The following PDE4B variants were observed in gnomAD, a reference collection of about 807,000 sequenced individuals.
PDE4B encodes the protein 3',5'-cyclic-AMP phosphodiesterase 4B.
In PDE4B, 20 loss-of-function variants were observed where a neutral mutation model predicts 82.2. The observed-to-expected ratio is 0.24, with a 90% CI of 0.17 to 0.35. The LOEUF is 0.35. Ranked by LOEUF, PDE4B falls within the 10% of genes least tolerant of loss-of-function variation. PDE4B has a pLI of 1.00. For synonymous variants in PDE4B, 320 were observed against 318.9 expected, an observed-to-expected ratio of 1.00 and a Z score of -0.04; for missense variants, 655 against 907.2, an observed-to-expected ratio of 0.72 and a Z score of 3.57.
chr1:66,048,841 G>C (rs1654860464), intron 3 of PDE4B: 2 of 152,002 alleles, frequency 1.3e-5, no homozygotes, highest in Admixed American at 1.3e-4. Context: ...GGACACACAA[G>C]AAGTCCACTC....
rs546791219 is a variant in PDE4B, at chr1:66,114,704, C to T, written c.282-132756C>T. Among the ~76,000 whole-genome samples the T allele has an allele frequency of 2.3e-4, 34 of 148,722 alleles. No homozygotes were observed. In the East Asian group the frequency reaches 6.6e-3, roughly 29 times the overall value. ...AGGCTGGAGTGCAATGGCACAATCT[C>T]GGCTCACTGCAACCTCTGCTTCCTG... On this transcript the variant is annotated intron_variant, in intron 3 of 16. Transcript: ENST00000341517.
At chr1:66,310,360 C>A (rs1167544204) in intron 7 of PDE4B, among the ~76,000 whole-genome samples, 1 of 152,132 alleles carries the variant, frequency 6.6e-6, no homozygotes, top group East Asian at 1.9e-4. Flanking sequence ...TTCTTCTCTT[C>A]CCCGCTGCCC....
At chr1:66,268,345 G>A (rs1465659934) in intron 7 of PDE4B, among the ~76,000 whole-genome samples, 1 of 152,100 alleles carries the variant, frequency 6.6e-6, no homozygotes, top group African/African-American at 2.4e-5. Context: ...AATATTAAAT[G>A]GATACATCAA....
chr1:66,280,588 G>A (rs1656222567), intron 7 of PDE4B, among the ~76,000 whole-genome samples: 1 of 152,124 alleles, frequency 6.6e-6, no homozygotes, highest in South Asian at 2.1e-4. Flanking sequence ...ATTTGAATGT[G>A]AATCCAATTT....
intron 3 of PDE4B, among the ~76,000 whole-genome samples, chr1:66,012,760 C>G (rs1183472262): frequency 6.6e-6 from 1 of 152,094 alleles, no homozygotes; most frequent in Non-Finnish European, 1.5e-5. Flanking sequence ...ATAATAGGTT[C>G]TAGGGCACAA....
intron 3 of PDE4B, among the ~76,000 whole-genome samples, chr1:66,106,063 A>G (rs1473299419): frequency 1.3e-5 from 2 of 151,946 alleles, no homozygotes; most frequent in East Asian, 3.9e-4. Context: ...TCAGTATGAT[A>G]TTGGCTGTGG....
At chr1:66,188,370 A>G (rs12756224) in intron 3 of PDE4B, among the ~76,000 whole-genome samples, 24,162 of 151,060 alleles carry the variant, frequency 0.16, 2,153 homozygotes, top group Non-Finnish European at 0.2. Flanking sequence ...GCAGAGCTGA[A>G]TTCAATTCCT....
At chr1:66,313,553 T>A (rs1300859078) in intron 7 of PDE4B, among the ~76,000 whole-genome samples, 6 of 152,218 alleles carry the variant, frequency 3.9e-5, no homozygotes, top group African/African-American at 1.4e-4. Flanking sequence ...GATTCAATAA[T>A]CCTTTCCATC....
chr1:65,927,494 AT>A (rs1647571623), intron 3 of PDE4B, among the ~76,000 whole-genome samples: 1 of 147,622 alleles, frequency 6.8e-6, no homozygotes, highest in African/African-American at 2.5e-5. Flanking sequence ...TATAATATGT[AT>A]TATATATATA....
chr1:65,921,204 G>T (rs1569686952), intron 3 of PDE4B, among the ~76,000 whole-genome samples: 2 of 151,668 alleles, frequency 1.3e-5, no homozygotes, highest in Non-Finnish European at 2.9e-5. Context: ...TCCTGACCTC[G>T]TGATCCGCCC....
chr1:66,110,762 A>G (rs1645469487), intron 3 of PDE4B, among the ~76,000 whole-genome samples: 1 of 152,114 alleles, frequency 6.6e-6, no homozygotes, highest in African/African-American at 2.4e-5. Context: ...AACTCCTAGT[A>G]TGTAGTAAGC....
intron 7 of PDE4B, among the ~76,000 whole-genome samples, chr1:66,328,339 T>C (rs1659877106): frequency 6.6e-6 from 1 of 152,164 alleles, no homozygotes. Flanking sequence ...TGCATGACCA[T>C]ACATGGTCCC....
intron 3 of PDE4B, among the ~76,000 whole-genome samples, chr1:66,225,602 G>T (rs1651388875): frequency 6.6e-6 from 1 of 152,172 alleles, no homozygotes; most frequent in South Asian, 2.1e-4. Flanking sequence ...CTTATGCACA[G>T]TTCCAGCCAG....
chr1:66,134,936 C>T (rs1339094267), intron 3 of PDE4B, among the ~76,000 whole-genome samples: 10 of 152,190 alleles, frequency 6.6e-5, no homozygotes, highest in East Asian at 1.9e-4. Flanking sequence ...AGGGATAGAA[C>T]TATGTCATAT....
chr1:65,936,581 G>C (rs1412057937), intron 3 of PDE4B, among the ~76,000 whole-genome samples: 2 of 152,172 alleles, frequency 1.3e-5, no homozygotes, highest in Non-Finnish European at 2.9e-5. Flanking sequence ...GAGTGCGTCA[G>C]AATCACCTGA....
chr1:65,993,114 C>T (rs763039762), intron 3 of PDE4B: 7 of 1,613,554 alleles, frequency 4.3e-6, no homozygotes, highest in Non-Finnish European at 5.9e-6. Flanking sequence ...CATTCGGCAG[C>T]GTCGTCGCTT....
intron 4 of PDE4B, 66 bp downstream of exon 4, chr1:66,247,720 C>A: frequency 8.5e-7 from 1 of 1,174,924 alleles, no homozygotes; most frequent in Non-Finnish European, 1.2e-6. Flanking sequence ...GTCACAGTGG[C>A]AGCAACAACA....
chr1:66,108,591 C>T (rs1645420617), intron 3 of PDE4B, among the ~76,000 whole-genome samples: 1 of 151,890 alleles, frequency 6.6e-6, no homozygotes, highest in Non-Finnish European at 1.5e-5. Context: ...ACTGAAACAA[C>T]TCAATAGCAA....
chr1:66,266,252 C>G (rs184996778), intron 7 of PDE4B, 165 bp downstream of exon 7: 14 of 654,690 alleles, frequency 2.1e-5, no homozygotes, highest in Admixed American at 1.8e-4. Context: ...CATTACTTCA[C>G]TCTATTAAAA....
Sources: gnomAD v4.1 joint callset for allele counts (sites outside exome capture counted in the v4.1 genomes callset) on GRCh38, gnomAD v4.1.1 for gene constraint, MANE v1.5 for transcripts, NCBI Gene and HGNC (gene_info 2026-07-23, HGNC 2026-07-21) for gene names.